Variants in GABRB1 observed in about 807,000 individuals in gnomAD.
GABRB1 encodes gamma-aminobutyric acid type A receptor subunit beta1, also known as gamma-aminobutyric acid receptor subunit beta-1.
GABRB1 carries 17 observed loss-of-function variants against 51.6 expected under a neutral mutation model. The ratio of observed to expected loss-of-function variants is 0.33; its 90% CI spans 0.23 to 0.49. GABRB1 has a LOEUF of 0.49. Among genes scored for constraint, GABRB1 ranks in the 20% least tolerant of loss-of-function variants. The pLI is 0.99. For missense variants in GABRB1, 410 were observed against 600.6 expected (o/e 0.68, Z 3.32); for synonymous variants, 247 against 218.9 (o/e 1.13, Z -1.14).
chr4:47,181,709 C>T (rs1718955360), intron 4 of GABRB1, among the ~76,000 whole-genome samples: 1 of 151,988 alleles, frequency 6.6e-6, no homozygotes. Flanking sequence ...TAAATAGCTG[C>T]TATTGTTGTA....
chr4:47,264,775 C>G (rs1444294989), intron 4 of GABRB1, among the ~76,000 whole-genome samples: 1 of 152,186 alleles, frequency 6.6e-6, no homozygotes, highest in Non-Finnish European at 1.5e-5. Flanking sequence ...TTTTCCATCA[C>G]CCCCAAAGTT....
intron 5 of GABRB1, among the ~76,000 whole-genome samples, chr4:47,401,753 A>C (rs1469123857): frequency 6.6e-6 from 1 of 152,226 alleles, no homozygotes; most frequent in Non-Finnish European, 1.5e-5. Flanking sequence ...TTTGTATTCT[A>C]AAATCCATGA....
chr4:47,112,329 C>A (rs1176406474), intron 3 of GABRB1, among the ~76,000 whole-genome samples: 1 of 152,076 alleles, frequency 6.6e-6, no homozygotes. Flanking sequence ...CTGATCTCGA[C>A]CTCCTGACCT....
intron 5 of GABRB1, among the ~76,000 whole-genome samples, chr4:47,365,208 C>G (rs1726933972): frequency 6.6e-6 from 1 of 152,214 alleles, no homozygotes; most frequent in Non-Finnish European, 1.5e-5. Context: ...TAATCCTCAG[C>G]TCAGCTTGCA....
chr4:47,101,071 T>C (rs1484486199), intron 3 of GABRB1, among the ~76,000 whole-genome samples: 1 of 152,006 alleles, frequency 6.6e-6, no homozygotes, highest in Admixed American at 6.6e-5. Flanking sequence ...AGGTTGGTCT[T>C]AGTCCTGCAC....
chr4:47,231,070 T>C (rs562472407), intron 4 of GABRB1, among the ~76,000 whole-genome samples: 42 of 152,276 alleles, frequency 2.8e-4, no homozygotes, highest in African/African-American at 8.9e-4. Context: ...AGAGTCAAAA[T>C]GCTGATTCTG....
At chr4:47,224,950 A>G (rs1720896901) in intron 4 of GABRB1, among the ~76,000 whole-genome samples, 1 of 152,024 alleles carries the variant, frequency 6.6e-6, no homozygotes, top group Non-Finnish European at 1.5e-5. Context: ...GCTGGAGTGC[A>G]ATGGTGCAAT....
chr4:47,059,379 C>G (rs1726752881), intron 3 of GABRB1, among the ~76,000 whole-genome samples: 1 of 152,030 alleles, frequency 6.6e-6, no homozygotes, highest in Non-Finnish European at 1.5e-5. Flanking sequence ...GTTACATTGC[C>G]TAGGCTAGTC....
chr4:47,154,386 A>G (rs1225163892), intron 3 of GABRB1, among the ~76,000 whole-genome samples: 1 of 151,810 alleles, frequency 6.6e-6, no homozygotes, highest in Non-Finnish European at 1.5e-5. Flanking sequence ...CTGGCAAGTA[A>G]ATATGTATTT....
At chr4:47,349,324 A>AG (rs1726222127) in intron 5 of GABRB1, among the ~76,000 whole-genome samples, 1 of 152,156 alleles carries the variant, frequency 6.6e-6, no homozygotes, top group Admixed American at 6.5e-5. Flanking sequence ...AAGACTGGAA[A>AG]GGAAAGAAAG....
intron 3 of GABRB1, among the ~76,000 whole-genome samples, chr4:47,075,660 G>A (rs1727514877): frequency 6.6e-6 from 1 of 152,156 alleles, no homozygotes; most frequent in East Asian, 1.9e-4. Flanking sequence ...AAATCTTTAA[G>A]GTTTTTGTTC....
At chr4:47,370,486 C>CAAAAA (rs34604260) in intron 5 of GABRB1, among the ~76,000 whole-genome samples, 1 of 141,000 alleles carries the variant, frequency 7.1e-6, no homozygotes, top group African/African-American at 2.6e-5. Context: ...GACTCCATCT[C>CAAAAA]AAAAAAAAAA....
intron 4 of GABRB1, among the ~76,000 whole-genome samples, chr4:47,283,356 C>CTTTTTT (rs570311247): frequency 2.6e-5 from 2 of 77,298 alleles, no homozygotes; most frequent in Non-Finnish European, 4.8e-5. Context: ...CTGGTGGCCC[C>CTTTTTT]TTTTTTTTTT....
intron 3 of GABRB1, among the ~76,000 whole-genome samples, chr4:47,159,625 T>C (rs1335359028): frequency 6.6e-6 from 1 of 152,064 alleles, no homozygotes; most frequent in East Asian, 1.9e-4. Flanking sequence ...AGAAAGAATG[T>C]CTTTAAATTA....
chr4:47,073,373 A>G (rs552328559), intron 3 of GABRB1, among the ~76,000 whole-genome samples: 1 of 152,286 alleles, frequency 6.6e-6, no homozygotes, highest in South Asian at 2.1e-4. Flanking sequence ...TATTTACTTG[A>G]GAAAATACTC....
At chr4:47,406,341 T>A (rs1262133103) in intron 7 of GABRB1, among the ~76,000 whole-genome samples, 1 of 152,222 alleles carries the variant, frequency 6.6e-6, no homozygotes, top group Non-Finnish European at 1.5e-5. Flanking sequence ...GGAAGAAAGA[T>A]GTGGTCATGT....
At chr4:47,088,477 C>T (rs1728167190) in intron 3 of GABRB1, among the ~76,000 whole-genome samples, 1 of 152,124 alleles carries the variant, frequency 6.6e-6, no homozygotes, top group African/African-American at 2.4e-5. Context: ...AGAGCCAATG[C>T]AAAATACCAG....
At chr4:46,998,277 TATTA>T (rs1724064977) in intron 1 of GABRB1, among the ~76,000 whole-genome samples, 1 of 152,200 alleles carries the variant, frequency 6.6e-6, no homozygotes, top group Non-Finnish European at 1.5e-5. Context: ...TATTTTAGAT[TATTA>T]ATTATTTTTT....
rs146577991 is a variant in GABRB1 at position 47,161,308 on chromosome 4, T to C, written c.300T>C (p.Ser100=). 115 of 1,612,640 alleles carry C rather than the reference T, an allele frequency of 7.1e-5. 1 individual carries two copies. The African/African-American group carries it at 1.4e-3, about 20-fold the overall frequency. ...QSWKDKRLSY[S]GIPLNLTLDN... ...GGAAAGACAAAAGGCTTTCTTATTC[T>C]GGAATCCCACTGAACCTCACCCTAG... is the stretch of plus-strand genomic sequence containing the variant. Residue 100 remains serine, a synonymous_variant, in exon 4 of 9, where the codon TCT becomes TCC. Coordinates refer to ENST00000295454, the MANE Select transcript of GABRB1 (RefSeq NM_000812.4).
Sources: gnomAD v4.1 joint callset for allele counts (sites outside exome capture counted in the v4.1 genomes callset) on GRCh38, gnomAD v4.1.1 for gene constraint, MANE v1.5 for transcripts, NCBI Gene and HGNC (gene_info 2026-07-23, HGNC 2026-07-21) for gene names.